The following WDR7 variants were observed in gnomAD, a reference collection of about 807,000 sequenced individuals.
WDR7 encodes WD repeat-containing protein 7.
Under a neutral mutation model 169.4 loss-of-function variants are expected in WDR7, and 46 were observed. The ratio of observed to expected loss-of-function variants is 0.27; its 90% CI spans 0.21 to 0.35. The LOEUF is 0.35. Among genes scored for constraint, WDR7 ranks in the 10% least tolerant of loss-of-function variants. The probability of loss-of-function intolerance (pLI) is 1.00; values close to 1 mark genes in which losing one functional copy is unlikely to be tolerated. For synonymous variants in WDR7, 612 were observed against 666.8 expected, an observed-to-expected ratio of 0.92 and a Z score of 1.27; for missense variants, 1,534 against 1,859.3, an observed-to-expected ratio of 0.83 and a Z score of 3.22.
At chr18:57,005,671 A>AT (rs1192487784) in intron 26 of WDR7, among the ~76,000 whole-genome samples, 1 of 151,924 alleles carries the variant, frequency 6.6e-6, no homozygotes, top group African/African-American at 2.4e-5. Context: ...CTTTTTTTAT[A>AT]TTTTTCCCGG....
intron 20 of WDR7, among the ~76,000 whole-genome samples, chr18:56,841,336 G>A (rs1599091854): frequency 6.6e-6 from 1 of 152,086 alleles, no homozygotes; most frequent in South Asian, 2.1e-4. Context: ...GAGAATAGGA[G>A]TTTGAGACCA....
chr18:56,738,392 C>A (rs895746822), intron 14 of WDR7, among the ~76,000 whole-genome samples: 1 of 152,052 alleles, frequency 6.6e-6, no homozygotes, highest in Admixed American at 6.5e-5. Context: ...AATGGTGAAA[C>A]CCTGCCTCTA....
chr18:56,915,554 A>G (rs9653087), intron 21 of WDR7, among the ~76,000 whole-genome samples: 123,150 of 152,004 alleles, frequency 0.81, 50,382 homozygotes, highest in East Asian at 0.98. Flanking sequence ...TGCAGTGGCT[A>G]TGTCTTCATT....
intron 26 of WDR7, among the ~76,000 whole-genome samples, chr18:57,008,709 T>C (rs980586723): frequency 2.6e-5 from 4 of 152,236 alleles, no homozygotes; most frequent in African/African-American, 9.6e-5. Context: ...TCCTCGTCTG[T>C]GTTTCTGTGA....
At chr18:56,975,797 TGTGCCTCAGATCCCATCACTTG>T (rs1055194177) in intron 26 of WDR7, among the ~76,000 whole-genome samples, 6 of 152,164 alleles carry the variant, frequency 3.9e-5, no homozygotes, top group African/African-American at 1.4e-4. Context: ...AGGAATCAGA[TGTGCCTCAGATCCCATCACTTG>T]GTGCCAGGTG....
chr18:56,717,180 TAA>T (rs2026212402), intron 12 of WDR7, among the ~76,000 whole-genome samples: 1 of 152,226 alleles, frequency 6.6e-6, no homozygotes, highest in Admixed American at 6.5e-5. Flanking sequence ...ACTGAAAAGT[TAA>T]GTTTTCAATT....
intron 26 of WDR7, among the ~76,000 whole-genome samples, chr18:56,978,298 A>G (rs1396561666): frequency 6.6e-6 from 1 of 152,214 alleles, no homozygotes; most frequent in Non-Finnish European, 1.5e-5. Flanking sequence ...TAGGGATAAG[A>G]CAATTTTTTA....
intron 20 of WDR7, among the ~76,000 whole-genome samples, chr18:56,831,219 G>A (rs914217209): frequency 3.9e-5 from 6 of 152,154 alleles, no homozygotes; most frequent in Admixed American, 3.9e-4. Flanking sequence ...AGGTGGTACA[G>A]CCATTTGGGA....
chr18:56,853,599 A>T (rs2045673760), intron 20 of WDR7, among the ~76,000 whole-genome samples: 1 of 152,178 alleles, frequency 6.6e-6, no homozygotes, highest in African/African-American at 2.4e-5. Flanking sequence ...ACCAAGAACT[A>T]GAATATGGCC....
chr18:56,865,159 G>A (rs1485058937), intron 20 of WDR7, among the ~76,000 whole-genome samples: 1 of 150,230 alleles, frequency 6.7e-6, no homozygotes, highest in East Asian at 1.9e-4. Context: ...CTATACTAAT[G>A]TTGTAGTGGA....
In WDR7 at chr18:56,808,924, A is replaced by G. The variant is rs556584442; in HGVS notation, c.3191-7107A>G. On this transcript the variant is annotated intron_variant, in intron 19 of 27. Coordinates refer to ENST00000254442, the MANE Select transcript of WDR7 (RefSeq NM_015285.3). ...TGTATATAGATTTTTCGTAATGAAG[A>G]GTTATCTAAGCGTTTAGAAATCTAG... is the stretch of plus-strand genomic sequence containing the variant. Among the ~76,000 whole-genome samples, 158 of 152,270 alleles carry G rather than the reference A, an allele frequency of 1.0e-3. 1 individual carries two copies. The highest frequency in any genetic ancestry group is 3.6e-3 in the African/African-American group (150 of 41,554).
chr18:56,904,891 G>A (rs191300142), intron 21 of WDR7, among the ~76,000 whole-genome samples: 311 of 152,202 alleles, frequency 2.0e-3, no homozygotes, highest in Non-Finnish European at 3.9e-3. Flanking sequence ...GAGAACCATG[G>A]AAGGAATGAC....
intron 20 of WDR7, among the ~76,000 whole-genome samples, chr18:56,816,987 T>A (rs555188165): frequency 2.1e-4 from 32 of 152,250 alleles, no homozygotes; most frequent in African/African-American, 7.0e-4. Flanking sequence ...AAAATATTAA[T>A]TTAATAGTAA....
At chr18:56,981,881 A>C (rs952486800) in intron 26 of WDR7, among the ~76,000 whole-genome samples, 14 of 152,194 alleles carry the variant, frequency 9.2e-5, no homozygotes, top group Non-Finnish European at 1.6e-4. Flanking sequence ...CTGTTGTTAC[A>C]TGTGCTGTAG....
At chr18:56,704,056 C>T (rs1409072446) in intron 12 of WDR7, among the ~76,000 whole-genome samples, 3 of 152,150 alleles carry the variant, frequency 2.0e-5, no homozygotes, top group Non-Finnish European at 4.4e-5. Context: ...TTAAGCCTTG[C>T]TAATTTTCTA....
At chr18:56,748,555 G>T (rs1218991740) in intron 14 of WDR7, among the ~76,000 whole-genome samples, 1 of 151,990 alleles carries the variant, frequency 6.6e-6, no homozygotes. Context: ...GTAATTAAGT[G>T]ATTTCTATTT....
At chr18:56,919,606 A>T (rs1377530172) in intron 21 of WDR7, among the ~76,000 whole-genome samples, 1 of 152,208 alleles carries the variant, frequency 6.6e-6, no homozygotes, top group African/African-American at 2.4e-5. Flanking sequence ...AGTGTCATGA[A>T]TACAGCATGT....
intron 26 of WDR7, among the ~76,000 whole-genome samples, chr18:56,968,853 G>T (rs950863187): frequency 2.6e-5 from 4 of 152,100 alleles, no homozygotes; most frequent in African/African-American, 9.7e-5. Flanking sequence ...GCCTTGGTTT[G>T]CAACTATCTC....
intron 20 of WDR7, among the ~76,000 whole-genome samples, chr18:56,864,664 C>G (rs1192237503): frequency 1.3e-5 from 2 of 151,690 alleles, no homozygotes; most frequent in African/African-American, 4.8e-5. Context: ...AATTTTGTCT[C>G]TCTACTTCAT....
Sources: allele counts gnomAD v4.1 joint callset (sites outside exome capture counted in the v4.1 genomes callset), GRCh38; gene constraint gnomAD v4.1.1; transcripts MANE v1.5; gene names NCBI Gene and HGNC (gene_info 2026-07-23, HGNC 2026-07-21).